DCLRE1B: variants seen among roughly 807,000 people sequenced by gnomAD.
The protein encoded by DCLRE1B is DNA cross-link repair 1B, also known as 5' exonuclease Apollo.
In DCLRE1B, 6 loss-of-function variants were observed where a neutral mutation model predicts 19.8. That is an observed-to-expected ratio of 0.30 (90% CI 0.17 to 0.60). The LOEUF (loss-of-function observed/expected upper bound fraction) is 0.60. DCLRE1B is among the 20% of genes least tolerant of loss of function. DCLRE1B has a pLI of 0.87. For synonymous variants in DCLRE1B, 258 were observed against 255.7 expected, an observed-to-expected ratio of 1.01 and a Z score of -0.09; for missense variants, 622 against 654.2, an observed-to-expected ratio of 0.95 and a Z score of 0.54.
At chr1:113,907,221 T>TTTTTTTG in intron 2 of DCLRE1B, 60 bp downstream of exon 2, 1 of 1,323,026 alleles carries the variant, frequency 7.6e-7, no homozygotes, top group South Asian at 1.6e-5. Context: ...TTTTTTTTTT[T>TTTTTTTG]TTTTTTTTTT....
chr1:113,910,980 C>T, intron 3 of DCLRE1B, 151 bp from the exon 4 acceptor site: 1 of 724,112 alleles, frequency 1.4e-6, no homozygotes, highest in South Asian at 2.0e-5. Context: ...TATGTCTTAG[C>T]TCAAATGCCA....
chr1:113,907,979 CCTT>C (rs1669102345), intron 2 of DCLRE1B, 27 bp from the exon 3 acceptor site: 2 of 1,594,824 alleles, frequency 1.3e-6, no homozygotes, highest in Admixed American at 3.5e-5. Context: ...TTGTCTCTGA[CCTT>C]CTGCCCCCAT....
chr1:113,905,874 TG>T, intron 1 of DCLRE1B, 99 bp downstream of exon 1: 1 of 1,383,624 alleles, frequency 7.2e-7, no homozygotes, highest in African/African-American at 1.5e-5. Context: ...CCACGAAAAC[TG>T]ATTTGGAAGT....
intron 1 of DCLRE1B, among the ~76,000 whole-genome samples, chr1:113,906,621 G>T (rs28381072): frequency 1.0e-3 from 157 of 151,932 alleles, no homozygotes; most frequent in African/African-American, 3.6e-3. Context: ...CTCCCGAGTA[G>T]CTGGGACTAC....
Position 113,911,773 on chromosome 1 carries a change from T to G in DCLRE1B, c.1181T>G (p.Leu394Trp), listed in dbSNP as rs758926583. Residue 394 changes from leucine to tryptophan, a missense_variant, in exon 4 of 4, where the codon TTG becomes TGG. This residue lies in a region of DCLRE1B where 382 missense variants were observed against 412.5 expected (regional missense o/e 0.93). Transcript: ENST00000650450. ...GAAAAGCAGCCTTCCCACCATCCTT[T>G]GCGGATCAAGAAGCAGTTGTTCCCA... is the stretch of plus-strand genomic sequence containing the variant. Reference protein sequence around the residue: ...DLEKQPSHHPLRIKKQLFPDL... With the variant: ...DLEKQPSHHPWRIKKQLFPDL... 2.2e-5 allele frequency: 35 copies of G among 1,614,064 alleles called. No individual in the cohort carries two copies. Among genetic ancestry groups the G allele is most frequent in the Middle Eastern group, 1.6e-4 (1 of 6,084 alleles).
At chr1:113,907,662 C>T (rs542754501) in intron 2 of DCLRE1B, among the ~76,000 whole-genome samples, 21 of 152,030 alleles carry the variant, frequency 1.4e-4, no homozygotes, top group East Asian at 3.9e-4. Flanking sequence ...TTAGTAGAGA[C>T]GGGGTTTCAC....
chr1:113,911,555 C>T lies in DCLRE1B; in HGVS notation c.963C>T (p.Asp321=). The T allele has an allele frequency of 6.2e-7, 1 of 1,610,526 alleles. No homozygotes were observed. Among genetic ancestry groups the T allele is most frequent in the African/African-American group, 1.3e-5 (1 of 74,942 alleles). ...SPRISVPLIP[D]SVQQYMSSSS... The stretch of plus-strand genomic sequence containing the variant: ...GGATCTCCGTGCCCCTGATTCCGGA[C>T]TCTGTACAGCAATACATGAGTTCTT... The change falls in exon 4 of 4, where the codon GAC becomes GAT. Residue 321 remains aspartate (D), a synonymous_variant. Transcript: ENST00000650450.
rs916906329 is a variant in DCLRE1B, at chr1:113,907,614, C to T, written c.356-395C>T. Among the ~76,000 whole-genome samples, 4 of 152,104 alleles carry T rather than the reference C, an allele frequency of 2.6e-5. No homozygotes were observed. In the East Asian group the frequency reaches 5.8e-4, roughly 22 times the overall value. ...CCTCCCAAGTAGCTGGGATGACAGG[C>T]GCCTGCCACCACGCCCAGCTAATTT... On this transcript the variant is annotated intron_variant, in intron 2 of 3. Transcript: ENST00000650450.
rs753475934 is a variant in DCLRE1B, at chr1:113,911,997, G to T, written c.1405G>T (p.Ala469Ser). The T allele has an allele frequency of 7.4e-6, 12 of 1,614,074 alleles. No individual in the cohort carries two copies. Among genetic ancestry groups the T allele is most frequent in the Admixed American group, 1.7e-5 (1 of 60,004 alleles). Residue 469 changes from alanine to serine, a missense_variant, in exon 4 of 4, where the codon GCC becomes TCC. Physicochemically the swap from Ala to Ser is moderately conservative, Grantham distance 99. This residue lies in a region of DCLRE1B where 382 missense variants were observed against 412.5 expected (regional missense o/e 0.93). Coordinates refer to ENST00000650450, the MANE Select transcript of DCLRE1B (RefSeq NM_022836.4). ...PMGDDDGGPE[A>S]TGNQSAWMGH... ...GGGAGATGATGATGGAGGTCCAGAA[G>T]CCACAGGGAATCAGAGTGCCTGGAT...
In DCLRE1B at chr1:113,905,750, C is replaced by T. The variant is rs1292430183; in HGVS notation, c.164C>T (p.Ala55Val). Residue 55 changes from alanine (A) to valine (V), a missense_variant, in exon 1 of 4, where the codon GCC (alanine) becomes GTC (valine). Ala to Val is a moderately conservative substitution (Grantham distance 64). This residue lies in a region of DCLRE1B where 237 missense variants were observed against 223.8 expected (regional missense o/e 1.06). Coordinates refer to ENST00000650450, the MANE Select transcript of DCLRE1B (RefSeq NM_022836.4). ...CCCCTCTACTGCTCCCCAATTACAG[C>T]CCACCTCTTGCATCGTCACCTACAG... ...ARPLYCSPIT[A>V]HLLHRHLQVS... 1.2e-6 allele frequency: 2 copies of T among 1,613,780 alleles called. No individual in the cohort carries two copies. The highest frequency in any genetic ancestry group is 1.7e-6 in the Non-Finnish European group (2 of 1,179,842).
upstream of DCLRE1B, chr1:113,904,726 G>C (rs747227913): frequency 1.9e-6 from 3 of 1,611,092 alleles, no homozygotes; most frequent in Non-Finnish European, 2.5e-6. Flanking sequence ...ATCTTCCTAA[G>C]AGTCACAGGG....
chr1:113,905,389 T>G lies in DCLRE1B; in HGVS notation c.-198T>G. 4 of 604,750 alleles carry G rather than the reference T, an allele frequency of 6.6e-6. No homozygotes were observed. Among genetic ancestry groups the G allele is most frequent in the Non-Finnish European group, 1.1e-5 (4 of 357,356 alleles). The allele number at this position is 604,750 out of a possible 1,614,324, so 37.5% of individuals were successfully genotyped here. A position where few individuals can be genotyped will look rare whatever the true frequency, so the allele number is the denominator to read the frequency against. ...TGGGAGTGTCCAGCGCCCTCCGCGA[T>G]TTGGGCTCCAGCGGGCAGGGTGACT... On this transcript the variant is annotated 5_prime_UTR_variant, in exon 1 of 4. Transcript: ENST00000650450.
chr1:113,911,398 A>G lies in DCLRE1B; in HGVS notation c.806A>G (p.His269Arg). The change falls in exon 4 of 4, where the codon CAC becomes CGC. Residue 269 changes from histidine to arginine, a missense_variant. Physicochemically the swap from His to Arg is conservative, Grantham distance 29. This residue lies in a region of DCLRE1B where 382 missense variants were observed against 412.5 expected (regional missense o/e 0.93). Transcript: ENST00000650450. ...ATCCACAGCTCCCACCCTGATATCC[A>G]CGTCATCCCTTACTCTGACCATTCC... ...RKIHSSHPDI[H>R]VIPYSDHSSY... 1.2e-6 allele frequency: 2 copies of G among 1,614,048 alleles called. No homozygotes were observed. The highest frequency in any genetic ancestry group is 1.7e-6 in the Non-Finnish European group (2 of 1,180,000).
chr1:113,907,201 G>GTTTT, intron 2 of DCLRE1B, 40 bp downstream of exon 2: 1 of 245,256 alleles, frequency 4.1e-6, no homozygotes, highest in Non-Finnish European at 6.6e-6. Context: ...CTCCAGACTA[G>GTTTT]ATGTTTTTTT....
At chr1:113,910,538 G>C (rs1669215661) in intron 3 of DCLRE1B, among the ~76,000 whole-genome samples, 1 of 151,892 alleles carries the variant, frequency 6.6e-6, no homozygotes, top group Non-Finnish European at 1.5e-5. Context: ...GTCTCACTCT[G>C]TTGCCCAGGC....
Position 113,911,667 on chromosome 1 carries a change from G to A in DCLRE1B, c.1075G>A (p.Glu359Lys). The change falls in exon 4 of 4, where the codon GAA becomes AAA. Residue 359 changes from glutamate (E) to lysine (K), a missense_variant. Glu to Lys is a moderately conservative substitution (Grantham distance 56, BLOSUM62 1). Coordinates refer to ENST00000650450, the MANE Select transcript of DCLRE1B (RefSeq NM_022836.4). Reference protein sequence around the residue: ...TQGVVFESPEESADQSQADRD... With the variant: ...TQGVVFESPEKSADQSQADRD... ...AGGTGTTGTGTTTGAATCCCCTGAG[G>A]AAAGTGCTGATCAATCTCAAGCTGA... 2 of 1,611,552 alleles carry A rather than the reference G, an allele frequency of 1.2e-6. No individual in the cohort carries two copies. The highest frequency in any genetic ancestry group is 1.1e-5 in the South Asian group (1 of 90,910).
In DCLRE1B at chr1:113,912,125, T is replaced by C; in HGVS notation, c.1533T>C (p.Phe511=). The part of the protein sequence containing the change: ...ALKYLLTPVN[F]FQAGYSSRRF... ...AATATCTTCTGACTCCAGTGAACTT[T>C]TTCCAGGCAGGGTATTCTTCCAGGA... Residue 511 remains phenylalanine (F), a synonymous_variant, in exon 4 of 4, where the codon TTT becomes TTC. Coordinates refer to ENST00000650450, the MANE Select transcript of DCLRE1B (RefSeq NM_022836.4). 6.2e-7 allele frequency: 1 copy of C among 1,614,198 alleles called. No homozygotes were observed.
chr1:113,907,875 A>C (rs1359734491), intron 2 of DCLRE1B, 134 bp from the exon 3 acceptor site: 10 of 891,706 alleles, frequency 1.1e-5, no homozygotes, highest in Non-Finnish European at 3.4e-6. Flanking sequence ...TATACTGCCT[A>C]GTTCAGTGCC....
chr1:113,905,321 CGCGCGCTTTGAGT>C (rs1324963361), exon 1 of DCLRE1B: 1 of 484,466 alleles, frequency 2.1e-6, no homozygotes, highest in African/African-American at 2.0e-5. Flanking sequence ...CTCCCTGCAG[CGCGCGCTTTGAGT>C]GCCCGGCTCG....
Sources: allele counts gnomAD v4.1 joint callset (sites outside exome capture counted in the v4.1 genomes callset), GRCh38; gene constraint gnomAD v4.1.1; regional missense constraint gnomAD v4.1.1; transcripts MANE v1.5; gene names NCBI Gene and HGNC (gene_info 2026-07-23, HGNC 2026-07-21).